The following ZNF510 variants were observed in gnomAD, a reference collection of about 807,000 sequenced individuals.
The protein encoded by ZNF510 is zinc finger protein 510.
Under a neutral mutation model 18.1 loss-of-function variants are expected in ZNF510, and 15 were observed. The ratio of observed to expected loss-of-function variants is 0.83; its 90% CI spans 0.55 to 1.28. ZNF510 has a LOEUF of 1.28. Among genes scored for constraint, ZNF510 ranks in the 50% most tolerant of loss-of-function variants. The pLI is 0.00. For synonymous variants in ZNF510, 261 were observed against 266.4 expected, an observed-to-expected ratio of 0.98 and a Z score of 0.20; for missense variants, 724 against 791.8, an observed-to-expected ratio of 0.91 and a Z score of 1.03.
intron 5 of ZNF510, among the ~76,000 whole-genome samples, chr9:96,762,540 C>A (rs1046526027): frequency 8.9e-5 from 13 of 146,146 alleles, no homozygotes; most frequent in African/African-American, 1.4e-4. Context: ...AAAAAGAAAA[C>A]ATCCTCCTGA....
intron 1 of ZNF510, among the ~76,000 whole-genome samples, chr9:96,777,012 G>A (rs1453032524): frequency 6.6e-6 from 1 of 152,176 alleles, no homozygotes; most frequent in Non-Finnish European, 1.5e-5. Flanking sequence ...ACCACAGTAT[G>A]TTCTTAAAAT....
chr9:96,762,902 G>A, intron 5 of ZNF510: 1 of 447,476 alleles, frequency 2.2e-6, no homozygotes, highest in Non-Finnish European at 4.1e-6. Flanking sequence ...ATATTATGCT[G>A]GTTGGTGGCT....
At chr9:96,772,470 A>ACAT (rs1032813888) in intron 3 of ZNF510, among the ~76,000 whole-genome samples, 3 of 152,204 alleles carry the variant, frequency 2.0e-5, no homozygotes, top group African/African-American at 7.2e-5. Flanking sequence ...GAATCCAAGA[A>ACAT]CATCAGTAAT....
At chr9:96,760,551 T>C (rs773196867) in intron 5 of ZNF510, 74 bp from the exon 6 acceptor site, 37 of 1,287,956 alleles carry the variant, frequency 2.9e-5, no homozygotes, top group Non-Finnish European at 3.3e-5. Context: ...ACATACAGCC[T>C]ATGTTGCACC....
chr9:96,762,524 G>GA (rs1181728252), intron 5 of ZNF510, among the ~76,000 whole-genome samples: 2 of 135,874 alleles, frequency 1.5e-5, no homozygotes, highest in Admixed American at 1.4e-4. Flanking sequence ...AAAAAAAAAA[G>GA]AAAAGAAAAA....
chr9:96,773,505 G>T (rs896062025), intron 3 of ZNF510, among the ~76,000 whole-genome samples: 1 of 151,804 alleles, frequency 6.6e-6, no homozygotes, highest in Non-Finnish European at 1.5e-5. Flanking sequence ...AAGATGATGT[G>T]AGGACAGACA....
chr9:96,763,525 G>A lies in ZNF510; in HGVS notation c.237C>T (p.Tyr79=), dbSNP rs546368524. The A allele has an allele frequency of 5.0e-6, 8 of 1,608,930 alleles. No individual in the cohort carries two copies. Among genetic ancestry groups the A allele is most frequent in the African/African-American group, 2.7e-5 (2 of 74,728 alleles). Residue 79 remains tyrosine (Y), a synonymous_variant, in exon 4 of 6, where the codon TAC becomes TAT. Coordinates refer to ENST00000223428, the MANE Select transcript of ZNF510 (RefSeq NM_014930.3). ...GCTTACCCACTGAGACGAGGTTGCT[G>A]TAGTTCTCCAGCATCACATCTCTGT... ...NLYRDVMLEN[Y]SNLVSVGYCC...
intron 3 of ZNF510, among the ~76,000 whole-genome samples, chr9:96,768,014 T>C (rs1051602439): frequency 2.6e-5 from 4 of 152,172 alleles, no homozygotes; most frequent in Non-Finnish European, 5.9e-5. Context: ...AAGTACTATA[T>C]ACCATGACCA....
At chr9:96,765,125 C>CAACA (rs1849441470) in intron 3 of ZNF510, among the ~76,000 whole-genome samples, 1 of 151,908 alleles carries the variant, frequency 6.6e-6, no homozygotes, top group Non-Finnish European at 1.5e-5. Context: ...AAAACAACAA[C>CAACA]AACAACAACA....
In ZNF510 at chr9:96,759,664, G is replaced by T; in HGVS notation, c.1166C>A (p.Ser389Ter). The change falls in exon 6 of 6, where the codon TCG becomes TAG. Residue 389 changes from serine to a stop codon, truncating the protein, a stop_gained. Coordinates refer to ENST00000223428, the MANE Select transcript of ZNF510 (RefSeq NM_014930.3). LOFTEE classifies it low-confidence loss of function (END_TRUNC). The stretch of plus-strand genomic sequence containing the variant: ...ACTTCTTCGGCGAACTCTGTGAACC[G>T]ACGTCTGGTAGGATTTCTTATTTTC... ...YHENKKSYQT[S>*]VHRVRRRSHS... 6.2e-7 allele frequency: 1 copy of T among 1,613,482 alleles called. No homozygotes were observed. Among genetic ancestry groups the T allele is most frequent in the Non-Finnish European group, 8.5e-7 (1 of 1,179,928 alleles).
chr9:96,755,061 T>C lies in ZNF510; in HGVS notation c.*3717A>G, dbSNP rs1849164222. Among the ~76,000 whole-genome samples the C allele has an allele frequency of 1.3e-5, 2 of 152,146 alleles. No individual in the cohort carries two copies. The highest frequency in any genetic ancestry group is 4.8e-5 in the African/African-American group (2 of 41,442). On this transcript the variant is annotated 3_prime_UTR_variant, in exon 6 of 6. Coordinates refer to ENST00000223428, the MANE Select transcript of ZNF510 (RefSeq NM_014930.3). ...ACCATGGTCTCCAGTTGGTGATGTA[T>C]TGTATGGAAAGGTATCCTGTGGGCC... is the stretch of plus-strand genomic sequence containing the variant.
intron 2 of ZNF510, among the ~76,000 whole-genome samples, 194 bp from the exon 3 acceptor site, chr9:96,775,040 C>G (rs771207853): frequency 6.6e-5 from 10 of 151,270 alleles, no homozygotes; most frequent in South Asian, 2.1e-4. Context: ...GTGGATGAAC[C>G]CTTGCTGTGT....
chr9:96,765,599 G>A lies in ZNF510; in HGVS notation c.130-1967C>T, dbSNP rs758856038. On this transcript the variant is annotated intron_variant, in intron 3 of 5. Coordinates refer to ENST00000223428, the MANE Select transcript of ZNF510 (RefSeq NM_014930.3). The stretch of plus-strand genomic sequence containing the variant: ...GTGATCTCGGCTCACTGCAACCCCC[G>A]CCTCCCAGGTTCAAGCAATTATCCT... Among the ~76,000 whole-genome samples, 50 of 151,048 alleles carry A rather than the reference G, an allele frequency of 3.3e-4. 1 individual carries two copies. The highest frequency in any genetic ancestry group is 1.9e-3 in the South Asian group (9 of 4,782).
rs1849186547 is a variant in ZNF510 at position 96,756,048 on chromosome 9, C to T, written c.*2730G>A. 1 of 152,120 alleles carries T rather than the reference C, an allele frequency of 6.6e-6. No homozygotes were observed. Among genetic ancestry groups the T allele is most frequent in the Non-Finnish European group, 1.5e-5 (1 of 68,038 alleles). The allele number at this position is 152,120 out of a possible 1,614,324, so 9.4% of individuals were successfully genotyped here. A position where few individuals can be genotyped will look rare whatever the true frequency, so the allele number is the denominator to read the frequency against. ...GCAGCTTGATTCCAGTCAGTCTTAT[C>T]AGAAAATAGTCTCTTATTATGGGCA... On this transcript the variant is annotated 3_prime_UTR_variant, in exon 6 of 6. Coordinates refer to ENST00000223428, the MANE Select transcript of ZNF510 (RefSeq NM_014930.3).
intron 1 of ZNF510, among the ~76,000 whole-genome samples, chr9:96,776,999 A>G (rs1430641922): frequency 2.0e-5 from 3 of 152,236 alleles, no homozygotes; most frequent in Non-Finnish European, 4.4e-5. Context: ...ATACACTGAG[A>G]AAACCACAGT....
chr9:96,776,287 T>C, intron 1 of ZNF510, 42 bp from the exon 2 acceptor site: 1 of 798,660 alleles, frequency 1.3e-6, no homozygotes, highest in Non-Finnish European at 1.8e-6. Context: ...AAGCTGGGGC[T>C]GATGCCTGGG....
chr9:96,765,754 A>G (rs9299138), intron 3 of ZNF510, among the ~76,000 whole-genome samples: 9,018 of 151,800 alleles, frequency 0.059, 882 homozygotes, highest in African/African-American at 0.2. Context: ...CTCGTGATCC[A>G]CCCACCTCGG....
intron 5 of ZNF510, among the ~76,000 whole-genome samples, chr9:96,762,122 T>A (rs1036346720): frequency 6.8e-6 from 1 of 147,714 alleles, no homozygotes; most frequent in Non-Finnish European, 1.5e-5. Flanking sequence ...GGGTGATGGG[T>A]GCATCAGAAT....
chr9:96,774,707 T>C, intron 3 of ZNF510, 81 bp downstream of exon 3: 1 of 1,260,796 alleles, frequency 7.9e-7, no homozygotes, highest in Non-Finnish European at 1.1e-6. Context: ...TTTTGATCCA[T>C]TTCTACATTT....
Sources: gnomAD v4.1 joint callset for allele counts (sites outside exome capture counted in the v4.1 genomes callset) on GRCh38, gnomAD v4.1.1 for gene constraint, MANE v1.5 for transcripts, NCBI Gene and HGNC (gene_info 2026-07-23, HGNC 2026-07-21) for gene names.